Variants in SCML4 observed in about 807,000 individuals in gnomAD.
SCML4 encodes the protein sex comb on midleg-like protein 4.
SCML4 carries 34 observed loss-of-function variants against 41.1 expected under a neutral mutation model. The observed-to-expected ratio is 0.83, with a 90% confidence interval of 0.63 to 1.10. SCML4 has a LOEUF of 1.10. SCML4 is among the 50% of genes least tolerant of loss of function. SCML4 has a pLI of 0.00. For missense variants in SCML4, 522 were observed against 534.1 expected (o/e 0.98, Z 0.22); for synonymous variants, 214 against 220.9 (o/e 0.97, Z 0.28).
chr6:107,792,949 G>A (rs925781068), intron 1 of SCML4, among the ~76,000 whole-genome samples: 13 of 152,146 alleles, frequency 8.5e-5, no homozygotes, highest in African/African-American at 2.9e-4. Flanking sequence ...ACAATATCTG[G>A]AGTTTTCCAC....
At chr6:107,845,130 G>T in the SCML4 span, among the ~76,000 whole-genome samples, 1 of 152,076 alleles carries the variant, frequency 6.6e-6, no homozygotes, top group African/African-American at 2.4e-5. Flanking sequence ...CAGCTACTTG[G>T]GAAGCTGAGG....
At chr6:107,712,103 G>T (rs190546019) in intron 6 of SCML4, among the ~76,000 whole-genome samples, 1 of 152,242 alleles carries the variant, frequency 6.6e-6, no homozygotes, top group East Asian at 1.9e-4. Flanking sequence ...TATTAAAGAT[G>T]ATTTCACTCC....
At chr6:107,732,355 A>G (rs1282306050) in intron 5 of SCML4, 1 of 152,262 alleles carries the variant, frequency 6.6e-6, no homozygotes, top group Non-Finnish European at 1.5e-5. Flanking sequence ...GTCTCTGGCC[A>G]GTATGGATTT....
chr6:107,839,348 AGAAAGAAAGAAAGAAAGAAG>A, the SCML4 span, among the ~76,000 whole-genome samples: 10,346 of 47,168 alleles, frequency 0.22, 628 homozygotes, highest in East Asian at 0.28. Context: ...AGAAAAAGAA[AGAAAGAAAGAAAGAAAGAAG>A]GAAAGAAAGA....
chr6:107,749,649 C>T (rs1322330364), intron 3 of SCML4, 35 bp downstream of exon 3: 1 of 1,611,306 alleles, frequency 6.2e-7, no homozygotes. Context: ...TCTCTACAGA[C>T]CATCACAGCC....
At chr6:107,772,775 C>T (rs993667461) in intron 1 of SCML4, among the ~76,000 whole-genome samples, 1 of 152,270 alleles carries the variant, frequency 6.6e-6, no homozygotes, top group East Asian at 1.9e-4. Context: ...AACAAAGCCA[C>T]TCTCTCATGT....
At chr6:107,763,425 C>T (rs1303438104) in intron 2 of SCML4, among the ~76,000 whole-genome samples, 1 of 148,988 alleles carries the variant, frequency 6.7e-6, no homozygotes, top group African/African-American at 2.5e-5. Flanking sequence ...CTCGCTCTGT[C>T]ATCCAGGTTG....
intron 2 of SCML4, among the ~76,000 whole-genome samples, chr6:107,759,154 A>AC (rs1779357980): frequency 2.3e-5 from 3 of 130,386 alleles, no homozygotes; most frequent in Admixed American, 7.8e-5. Flanking sequence ...AAAAAAAAAA[A>AC]CCTGAAACAA....
In SCML4 at chr6:107,740,160, G is replaced by T. The variant is rs1243160124; in HGVS notation, c.682+4789C>A. 1.9e-5 allele frequency: 9 copies of T among 470,778 alleles called. No individual in the cohort carries two copies. In the East Asian group the frequency reaches 6.2e-4, roughly 33 times the overall value. The allele number at this position is 470,778 out of a possible 1,614,324, so 29.2% of individuals were successfully genotyped here. On this transcript the variant is annotated intron_variant, in intron 5 of 7. Coordinates refer to ENST00000369020, the MANE Select transcript of SCML4 (RefSeq NM_198081.5). ...AGGAAGGAAGGCTGTCATCCTCCTGGAATAAGATGTTAAAAGGAAACCATT... is the reference window on the plus strand; with the variant it reads ...AGGAAGGAAGGCTGTCATCCTCCTGTAATAAGATGTTAAAAGGAAACCATT...
At chr6:107,813,369 AT>A (rs1480298886) in intron 1 of SCML4, among the ~76,000 whole-genome samples, 14 of 82,786 alleles carry the variant, frequency 1.7e-4, no homozygotes, top group African/African-American at 6.1e-4. Context: ...TCTCAAAAAA[AT>A]TATATATATA....
intron 1 of SCML4, among the ~76,000 whole-genome samples, chr6:107,776,608 T>C (rs1780971751): frequency 6.6e-6 from 1 of 152,206 alleles, no homozygotes; most frequent in African/African-American, 2.4e-5. Context: ...CAATGGGCAC[T>C]CTCATTGATT....
At chr6:107,836,812 T>C in the SCML4 span, among the ~76,000 whole-genome samples, 3 of 152,312 alleles carry the variant, frequency 2.0e-5, no homozygotes, top group African/African-American at 7.2e-5. Flanking sequence ...AGAATCTGCC[T>C]ACATTTAGCC....
At chr6:107,777,102 T>C (rs1344634761) in intron 1 of SCML4, among the ~76,000 whole-genome samples, 1 of 152,228 alleles carries the variant, frequency 6.6e-6, no homozygotes, top group Non-Finnish European at 1.5e-5. Flanking sequence ...TGTACACTTT[T>C]GCATTGTCTG....
intron 1 of SCML4, among the ~76,000 whole-genome samples, chr6:107,802,018 G>A (rs998805485): frequency 2.6e-5 from 4 of 151,586 alleles, no homozygotes; most frequent in Non-Finnish European, 5.9e-5. Context: ...TGATCTGCCC[G>A]CCTCTGTCTC....
At chr6:107,801,626 GGAAGCA>G (rs1440985192) in intron 1 of SCML4, among the ~76,000 whole-genome samples, 1 of 152,110 alleles carries the variant, frequency 6.6e-6, no homozygotes, top group Non-Finnish European at 1.5e-5. Context: ...CATCCTAACT[GGAAGCA>G]GAAGCTTCTA....
chr6:107,705,532 T>C (rs1562159046), intron 7 of SCML4, among the ~76,000 whole-genome samples: 2 of 152,012 alleles, frequency 1.3e-5, no homozygotes. Flanking sequence ...CTCCCTGGAG[T>C]CATTTGATAC....
chr6:107,839,955 TTAAAA>T, the SCML4 span, among the ~76,000 whole-genome samples: 3 of 152,048 alleles, frequency 2.0e-5, no homozygotes, highest in South Asian at 2.1e-4. Context: ...TAATCACAAA[TTAAAA>T]TAAAAATTAT....
At chr6:107,797,862 T>C (rs1042407934) in intron 1 of SCML4, among the ~76,000 whole-genome samples, 2 of 152,038 alleles carry the variant, frequency 1.3e-5, no homozygotes, top group African/African-American at 4.8e-5. Context: ...AAATGCATTG[T>C]CTACATCTAT....
At position 107,749,708 on chromosome 6, in the gene SCML4, A is replaced by T. The variant is rs1778444878; in HGVS notation, c.262T>A (p.Leu88Met). 1 of 1,614,016 alleles carries T rather than the reference A, an allele frequency of 6.2e-7. No individual in the cohort carries two copies. Among genetic ancestry groups the T allele is most frequent in the Non-Finnish European group, 8.5e-7 (1 of 1,179,988 alleles). Residue 88 changes from leucine to methionine, a missense_variant, in exon 3 of 8, where the codon TTG becomes ATG. Coordinates refer to ENST00000369020, the MANE Select transcript of SCML4 (RefSeq NM_198081.5). ...CCTGTGAGAGCCTGTGGGGCCGCCA[A>T]GCTGGGGACCGTGGCTGCGTCCTGA... ...IPQDAATVPS[L>M]AAPQALTVCL...
Sources: gnomAD v4.1 joint callset for allele counts (sites outside exome capture counted in the v4.1 genomes callset) on GRCh38, gnomAD v4.1.1 for gene constraint, MANE v1.5 for transcripts, NCBI Gene and HGNC (gene_info 2026-07-23, HGNC 2026-07-21) for gene names.